The following PUS7L variants were observed in gnomAD, a reference collection of about 807,000 sequenced individuals.
PUS7L encodes the protein pseudouridine synthase 7 like, also known as pseudouridylate synthase PUS7L.
A neutral mutation model predicts 51.1 loss-of-function variants in PUS7L; 49 were observed. That is an observed-to-expected ratio of 0.96 (90% CI 0.76 to 1.22). PUS7L has a LOEUF of 1.22. Ranked by LOEUF, PUS7L falls within the 50% of genes most tolerant of loss-of-function variation. The pLI is 0.00. For synonymous variants in PUS7L, 277 were observed against 276.2 expected, an observed-to-expected ratio of 1.00 and a Z score of -0.03; for missense variants, 828 against 820.6, an observed-to-expected ratio of 1.01 and a Z score of -0.11.
rs936600375 is a variant in PUS7L, at chr12:43,748,529, C to T, written c.991G>A (p.Asp331Asn). ...LAIKLGVIPS[D>N]FSYAGLKDKK... ...TCTTTAAGGCCTGCATAACTAAAAT[C>T]CGAAGGAATAACACCAAGTTTGATA... Residue 331 changes from aspartate (D) to asparagine (N), a missense_variant, in exon 3 of 9, where the codon GAT (aspartate) becomes AAT (asparagine). Transcript: ENST00000344862. 1 of 1,611,770 alleles carries T rather than the reference C, an allele frequency of 6.2e-7. No individual in the cohort carries two copies.
Position 43,725,059 on chromosome 12 carries a change from A to G in PUS7L, c.*5317T>C. 1 of 152,226 alleles carries G rather than the reference A, an allele frequency of 6.6e-6. No homozygotes were observed. The highest frequency in any genetic ancestry group is 1.5e-5 in the Non-Finnish European group (1 of 68,036). The allele number at this position is 152,226 out of a possible 1,614,324, so 9.4% of individuals were successfully genotyped here. On this transcript the variant is annotated 3_prime_UTR_variant, in exon 9 of 9. Transcript: ENST00000344862. ...AAGGTAAATCAGCCAATGTTGATAT[A>G]TGTAAATAGTATCAATCAGCTTTCT...
In PUS7L at chr12:43,721,844, G is replaced by A. The variant is rs959057453; in HGVS notation, c.*8532C>T. 2.0e-5 allele frequency: 3 copies of A among 150,086 alleles called. No individual in the cohort carries two copies. The highest frequency in any genetic ancestry group is 7.3e-5 in the African/African-American group (3 of 40,974). 9.3% of individuals were successfully genotyped at this position (150,086 alleles called of 1,614,324 possible). A position where few individuals can be genotyped will look rare whatever the true frequency, so the allele number is the denominator to read the frequency against. On this transcript the variant is annotated 3_prime_UTR_variant, in exon 9 of 9. Coordinates refer to ENST00000344862, the MANE Select transcript of PUS7L (RefSeq NM_031292.5). ...AAATCCAAAATCCAAAACTTTTTGA[G>A]TACTGACATGATGCCACAAATGGAA...
chr12:43,737,489 T>C (rs1229971758), intron 6 of PUS7L, among the ~76,000 whole-genome samples: 1 of 151,790 alleles, frequency 6.6e-6, no homozygotes, highest in African/African-American at 2.4e-5. Context: ...TTTATTTCAA[T>C]ATAAGTGAAA....
chr12:43,729,600 T>C lies in PUS7L; in HGVS notation c.*776A>G, dbSNP rs781696627. The C allele has an allele frequency of 5.9e-6, 1 of 168,260 alleles. No individual in the cohort carries two copies. Among genetic ancestry groups the C allele is most frequent in the Non-Finnish European group, 1.3e-5 (1 of 78,842 alleles). 10.4% of individuals were successfully genotyped at this position (168,260 alleles called of 1,614,324 possible). On this transcript the variant is annotated 3_prime_UTR_variant, in exon 9 of 9. Transcript: ENST00000344862. ...AGATAATCCTATTATTTGTCATTTATGAAGTTGTAATTGTCTTGATTCTAT... is the reference window on the plus strand; with the variant it reads ...AGATAATCCTATTATTTGTCATTTACGAAGTTGTAATTGTCTTGATTCTAT...
rs982556952 is a variant in PUS7L, at chr12:43,723,306, T to C, written c.*7070A>G. The C allele has an allele frequency of 1.3e-5, 2 of 152,128 alleles. No individual in the cohort carries two copies. Among genetic ancestry groups the C allele is most frequent in the African/African-American group, 4.8e-5 (2 of 41,448 alleles). The allele number at this position is 152,128 out of a possible 1,614,324, so 9.4% of individuals were successfully genotyped here. On this transcript the variant is annotated 3_prime_UTR_variant, in exon 9 of 9. Transcript: ENST00000344862. ...CAACCCACACTGAAATTACACAAGA[T>C]TAACTCCATTAACACCATTTCCCAT...
chr12:43,758,592 C>T (rs554259300), intron 1 of PUS7L, 138 bp downstream of exon 1: 10 of 983,710 alleles, frequency 1.0e-5, no homozygotes, highest in Middle Eastern at 5.2e-4. Flanking sequence ...AAAGGCACGA[C>T]ACTAGTCCAC....
At chr12:43,752,397 A>G (rs1412068365) in intron 2 of PUS7L, among the ~76,000 whole-genome samples, 1 of 152,242 alleles carries the variant, frequency 6.6e-6, no homozygotes, top group Non-Finnish European at 1.5e-5. Flanking sequence ...GTCACCTCAC[A>G]TCCACATTCT....
chr12:43,754,232 T>C (rs1458325609), intron 2 of PUS7L, 104 bp downstream of exon 2: 3 of 763,594 alleles, frequency 3.9e-6, no homozygotes, highest in Admixed American at 2.7e-5. Flanking sequence ...AGGTAAATCA[T>C]ATATTCTTTC....
At chr12:43,751,321 A>G (rs1202906327) in intron 2 of PUS7L, among the ~76,000 whole-genome samples, 2 of 151,138 alleles carry the variant, frequency 1.3e-5, no homozygotes, top group South Asian at 4.2e-4. Flanking sequence ...TACATTAAGT[A>G]TATCTCCTAA....
chr12:43,758,662 C>G (rs1352182194), intron 1 of PUS7L, 68 bp downstream of exon 1: 3 of 765,946 alleles, frequency 3.9e-6, no homozygotes, highest in African/African-American at 3.8e-5. Flanking sequence ...TCACCCCCCC[C>G]CCCCACACAC....
At chr12:43,732,081 A>G (rs1944569657) in intron 7 of PUS7L, among the ~76,000 whole-genome samples, 1 of 152,168 alleles carries the variant, frequency 6.6e-6, no homozygotes, top group African/African-American at 2.4e-5. Flanking sequence ...GGCTGAATTG[A>G]AAATCTGCTT....
intron 6 of PUS7L, chr12:43,738,032 A>ACT (rs952673504): frequency 1.1e-5 from 3 of 282,044 alleles, no homozygotes; most frequent in Admixed American, 4.8e-5. Context: ...CGAATTTGGA[A>ACT]CTCTCTCTCA....
rs1463397362 is a variant in PUS7L at position 43,720,358 on chromosome 12, C to G, written c.*10018G>C. Reference sequence around the variant, plus strand: ...AATTAGCTGGGTATGGTGGCACACGCCTGTAATCCTAGCTCCTTGGGAGGC... The same window carrying G: ...AATTAGCTGGGTATGGTGGCACACGGCTGTAATCCTAGCTCCTTGGGAGGC... On this transcript the variant is annotated 3_prime_UTR_variant, in exon 9 of 9. Transcript: ENST00000344862. The G allele has an allele frequency of 6.6e-6, 1 of 152,200 alleles. No homozygotes were observed. The highest frequency in any genetic ancestry group is 2.4e-5 in the African/African-American group (1 of 41,440). 9.4% of individuals were successfully genotyped at this position (152,200 alleles called of 1,614,324 possible).
chr12:43,729,141 A>C lies in PUS7L; in HGVS notation c.*1235T>G. ...ACATATTTTACCATCAAGTTGATAC[A>C]CATCATTTTACTTACTTTAGTTACG... On this transcript the variant is annotated 3_prime_UTR_variant, in exon 9 of 9. Transcript: ENST00000344862. 2.5e-6 allele frequency: 1 copy of C among 397,250 alleles called. No homozygotes were observed. Among genetic ancestry groups the C allele is most frequent in the Non-Finnish European group, 4.4e-6 (1 of 225,070 alleles). 24.6% of individuals were successfully genotyped at this position (397,250 alleles called of 1,614,324 possible).
rs1250257194 is a variant in PUS7L, at chr12:43,722,607, T to C, written c.*7769A>G. On this transcript the variant is annotated 3_prime_UTR_variant, in exon 9 of 9. Transcript: ENST00000344862. ...TAAATTAGTTTCCTTTTGAAAATCA[T>C]ATGCAAAAAATTCATTTTATTATAA... 4.6e-5 allele frequency: 7 copies of C among 152,154 alleles called. No homozygotes were observed. Among genetic ancestry groups the C allele is most frequent in the African/African-American group, 1.7e-4 (7 of 41,460 alleles). The allele number at this position is 152,154 out of a possible 1,614,324, so 9.4% of individuals were successfully genotyped here. A position where few individuals can be genotyped will look rare whatever the true frequency, so the allele number is the denominator to read the frequency against.
chr12:43,753,931 T>C (rs563965370), intron 2 of PUS7L, among the ~76,000 whole-genome samples: 55 of 152,286 alleles, frequency 3.6e-4, no homozygotes, highest in African/African-American at 1.3e-3. Context: ...TCTCTTCACT[T>C]TCCCAAGCAC....
At chr12:43,743,731 C>G (rs1338330959) in intron 4 of PUS7L, among the ~76,000 whole-genome samples, 1 of 151,894 alleles carries the variant, frequency 6.6e-6, no homozygotes, top group African/African-American at 2.4e-5. Flanking sequence ...CCACTGCACT[C>G]CAGCCTGGGT....
chr12:43,746,077 TC>T lies in PUS7L; in HGVS notation c.1231del (p.Glu411ArgfsTer7). ...ATTTTCTATTGCTTCCATAATTCTC[TC>T]CCTCAGGTTTGCAGAATCATTTATT... is the stretch of plus-strand genomic sequence containing the variant. ...KQINDSANLR[E>X]RIMEAIENVK... On this transcript the variant is annotated frameshift_variant, in exon 4 of 9. Transcript: ENST00000344862. LOFTEE classifies it high-confidence loss of function. 1 of 1,519,774 alleles carries T rather than the reference TC, an allele frequency of 6.6e-7. No homozygotes were observed. The highest frequency in any genetic ancestry group is 9.0e-7 in the Non-Finnish European group (1 of 1,106,320). 94.1% of individuals were successfully genotyped at this position (1,519,774 alleles called of 1,614,324 possible). A position where few individuals can be genotyped will look rare whatever the true frequency, so the allele number is the denominator to read the frequency against.
rs1241085358 is a variant in PUS7L at position 43,720,329 on chromosome 12, C to T, written c.*10047G>A. ...TGAAATCCCATCTCTAATAAAAATA[C>T]AAAAATTAGCTGGGTATGGTGGCAC... is the stretch of plus-strand genomic sequence containing the variant. On this transcript the variant is annotated 3_prime_UTR_variant, in exon 9 of 9. Coordinates refer to ENST00000344862, the MANE Select transcript of PUS7L (RefSeq NM_031292.5). 6.6e-6 allele frequency: 1 copy of T among 152,018 alleles called. No individual in the cohort carries two copies. The highest frequency in any genetic ancestry group is 1.5e-5 in the Non-Finnish European group (1 of 67,992). 9.4% of individuals were successfully genotyped at this position (152,018 alleles called of 1,614,324 possible). A position where few individuals can be genotyped will look rare whatever the true frequency, so the allele number is the denominator to read the frequency against.
Sources: allele counts gnomAD v4.1 joint callset (sites outside exome capture counted in the v4.1 genomes callset), GRCh38; gene constraint gnomAD v4.1.1; transcripts MANE v1.5; gene names NCBI Gene and HGNC (gene_info 2026-07-23, HGNC 2026-07-21).